Variants in CCDC148 observed in about 807,000 individuals in gnomAD.
CCDC148 encodes coiled-coil domain containing 148.
CCDC148 carries 89 observed loss-of-function variants against 85.7 expected under a neutral mutation model. The observed-to-expected ratio is 1.04, with a 90% CI of 0.87 to 1.24. The LOEUF is 1.24. Ranked by LOEUF, CCDC148 falls within the 50% of genes most tolerant of loss-of-function variation. The probability of loss-of-function intolerance (pLI) is 0.00; values close to 1 mark genes in which losing one functional copy is unlikely to be tolerated. For synonymous variants in CCDC148, 230 were observed against 213.9 expected (o/e 1.08, Z -0.66); for missense variants, 692 against 671.7 (o/e 1.03, Z -0.33).
At chr2:158,269,226 T>A (rs773833421) in intron 9 of CCDC148, among the ~76,000 whole-genome samples, 1 of 152,122 alleles carries the variant, frequency 6.6e-6, no homozygotes, top group Non-Finnish European at 1.5e-5. Context: ...CTGACGCTCA[T>A]TCTCTCTTGT....
chr2:158,365,890 T>C (rs775215192), intron 1 of CCDC148: 6 of 653,452 alleles, frequency 9.2e-6, no homozygotes, highest in Non-Finnish European at 1.5e-5. Context: ...GGTCATTCAA[T>C]GTAACCAGAA....
At chr2:158,455,568 T>G (rs1195508860) in intron 1 of CCDC148, among the ~76,000 whole-genome samples, 1 of 152,194 alleles carries the variant, frequency 6.6e-6, no homozygotes, top group Non-Finnish European at 1.5e-5. Flanking sequence ...AACAAAATAT[T>G]TGTAATTTCC....
chr2:158,427,435 G>C (rs1259693429), intron 1 of CCDC148, among the ~76,000 whole-genome samples: 1 of 151,982 alleles, frequency 6.6e-6, no homozygotes, highest in Non-Finnish European at 1.5e-5. Flanking sequence ...GTATTTAAAG[G>C]GAAAAAAGGG....
intron 10 of CCDC148, among the ~76,000 whole-genome samples, chr2:158,234,831 A>G (rs920798787): frequency 6.6e-6 from 1 of 152,234 alleles, no homozygotes; most frequent in Non-Finnish European, 1.5e-5. Context: ...TGTAGAAAAA[A>G]GAGTGTAAAG....
intron 10 of CCDC148, among the ~76,000 whole-genome samples, chr2:158,233,594 A>T (rs1269779938): frequency 6.6e-6 from 1 of 151,900 alleles, no homozygotes; most frequent in Non-Finnish European, 1.5e-5. Context: ...TACTTTTCTT[A>T]TATCAGCTCA....
At chr2:158,389,098 G>A (rs559797496) in intron 1 of CCDC148, among the ~76,000 whole-genome samples, 64 of 152,156 alleles carry the variant, frequency 4.2e-4, no homozygotes, top group Non-Finnish European at 6.8e-4. Flanking sequence ...TGTATGGATG[G>A]ATTTAAACTA....
chr2:158,220,830 T>A, intron 10 of CCDC148, 117 bp from the exon 11 acceptor site: 3 of 725,916 alleles, frequency 4.1e-6, no homozygotes, highest in Non-Finnish European at 6.7e-6. Context: ...GGGCACTTCA[T>A]CTTTTTTGTT....
intron 11 of CCDC148, among the ~76,000 whole-genome samples, chr2:158,211,435 C>T: frequency 6.6e-6 from 1 of 152,118 alleles, no homozygotes; most frequent in East Asian, 1.9e-4. Context: ...TCATTTTATA[C>T]ATTAAAAAAC....
chr2:158,255,305 A>AG (rs1553489677), intron 9 of CCDC148, among the ~76,000 whole-genome samples: 1 of 151,572 alleles, frequency 6.6e-6, no homozygotes, highest in Non-Finnish European at 1.5e-5. Context: ...GGAAAAAAAA[A>AG]GGGGGGCGGG....
chr2:158,357,129 A>G (rs1291446628), intron 2 of CCDC148, among the ~76,000 whole-genome samples: 1 of 151,242 alleles, frequency 6.6e-6, no homozygotes, highest in Non-Finnish European at 1.5e-5. Flanking sequence ...ACCTAATGCT[A>G]GATGACGAGT....
intron 1 of CCDC148, among the ~76,000 whole-genome samples, chr2:158,361,980 C>A (rs1369290665): frequency 8.7e-5 from 9 of 103,314 alleles, no homozygotes; most frequent in African/African-American, 1.7e-4. Flanking sequence ...GAATATTTAC[C>A]AAGCAAATGG....
At chr2:158,424,064 A>T (rs1435344446) in intron 1 of CCDC148, among the ~76,000 whole-genome samples, 1 of 152,180 alleles carries the variant, frequency 6.6e-6, no homozygotes, top group Non-Finnish European at 1.5e-5. Flanking sequence ...AAGTGAGGAA[A>T]CAACAGGTGT....
Position 158,217,387 on chromosome 2 carries a change from T to TATAGATATATATATAG in CCDC148, c.1370+3207_1370+3208insCTATATATATATCTAT, listed in dbSNP as rs1558990262. Among the ~76,000 whole-genome samples, 72 of 93,188 alleles carry TATAGATATATATATAG rather than the reference T, an allele frequency of 7.7e-4. 2 individuals carry two copies. The highest frequency in any genetic ancestry group is 2.4e-3 in the African/African-American group (70 of 28,586). The allele number at this position is 93,188 out of a possible 152,430, so 61.1% of individuals were successfully genotyped here. ...TTGTGTGTGTGTGTATATATATATA[T>TATAGATATATATATAG]ATATATACACACACACATACATTTC... On this transcript the variant is annotated intron_variant, in intron 11 of 13. Coordinates refer to ENST00000283233, the MANE Select transcript of CCDC148 (RefSeq NM_138803.4).
intron 8 of CCDC148, among the ~76,000 whole-genome samples, chr2:158,310,981 C>T (rs911049474): frequency 3.3e-5 from 5 of 151,928 alleles, no homozygotes; most frequent in Non-Finnish European, 7.4e-5. Context: ...GCGCTCTTCA[C>T]TTCCCAGACT....
At chr2:158,393,511 T>C (rs1685403051) in intron 1 of CCDC148, among the ~76,000 whole-genome samples, 1 of 152,040 alleles carries the variant, frequency 6.6e-6, no homozygotes, top group Non-Finnish European at 1.5e-5. Flanking sequence ...ATTTGAGTGA[T>C]GGGGCCACAA....
intron 1 of CCDC148, among the ~76,000 whole-genome samples, chr2:158,409,127 A>G (rs1668670329): frequency 6.6e-6 from 1 of 152,152 alleles, no homozygotes; most frequent in Non-Finnish European, 1.5e-5. Flanking sequence ...CTTGTCATGG[A>G]GAACCTCTGC....
chr2:158,267,610 T>C (rs372491473), intron 9 of CCDC148, among the ~76,000 whole-genome samples: 4 of 152,336 alleles, frequency 2.6e-5, no homozygotes, highest in South Asian at 2.1e-4. Flanking sequence ...AGTAACTATG[T>C]CATTTTAACA....
At chr2:158,448,253 CTAT>C (rs1238259399) in intron 1 of CCDC148, among the ~76,000 whole-genome samples, 2 of 152,086 alleles carry the variant, frequency 1.3e-5, no homozygotes, top group African/African-American at 4.8e-5. Context: ...ATATTACATC[CTAT>C]TATTATAGCT....
chr2:158,184,627 A>C (rs1226345179), intron 11 of CCDC148, among the ~76,000 whole-genome samples: 1 of 152,122 alleles, frequency 6.6e-6, no homozygotes, highest in Non-Finnish European at 1.5e-5. Context: ...AATCACTGAA[A>C]CTTGTAAAAT....
Sources: gnomAD v4.1 joint callset for allele counts (sites outside exome capture counted in the v4.1 genomes callset) on GRCh38, gnomAD v4.1.1 for gene constraint, MANE v1.5 for transcripts, NCBI Gene and HGNC (gene_info 2026-07-23, HGNC 2026-07-21) for gene names.